Variants in CTNND2 observed in about 807,000 individuals in gnomAD.
CTNND2 encodes the protein catenin delta-2.
Under a neutral mutation model 144.4 loss-of-function variants are expected in CTNND2, and 22 were observed. The ratio of observed to expected loss-of-function variants is 0.15; its 90% CI spans 0.11 to 0.22. The LOEUF (loss-of-function observed/expected upper bound fraction) is 0.22. CTNND2 is among the 10% of genes least tolerant of loss of function. The pLI is 1.00. For synonymous variants in CTNND2, 751 were observed against 695.6 expected (o/e 1.08, Z -1.25); for missense variants, 1,353 against 1,618.8 (o/e 0.84, Z 2.82).
At chr5:11,222,576 C>A (rs1739908552) in intron 10 of CTNND2, among the ~76,000 whole-genome samples, 2 of 152,136 alleles carry the variant, frequency 1.3e-5, no homozygotes, top group Admixed American at 1.3e-4. Flanking sequence ...GAGGCAAAGG[C>A]TGGAGGATCA....
chr5:11,793,450 A>C (rs1244774763), intron 1 of CTNND2, among the ~76,000 whole-genome samples: 1 of 152,218 alleles, frequency 6.6e-6, no homozygotes, highest in African/African-American at 2.4e-5. Flanking sequence ...ATTTGGAAAT[A>C]GGATTGTTGC....
At chr5:11,456,138 A>T (rs1765713045) in intron 3 of CTNND2, among the ~76,000 whole-genome samples, 1 of 152,108 alleles carries the variant, frequency 6.6e-6, no homozygotes, top group African/African-American at 2.4e-5. Flanking sequence ...ATATCTACAT[A>T]TTACCATCAC....
chr5:11,622,806 A>G (rs990287236), intron 2 of CTNND2, among the ~76,000 whole-genome samples: 1 of 152,198 alleles, frequency 6.6e-6, no homozygotes, highest in Non-Finnish European at 1.5e-5. Flanking sequence ...AGGGAGAAAG[A>G]GCCCTAAAAG....
intron 1 of CTNND2, among the ~76,000 whole-genome samples, chr5:11,849,168 A>T (rs888328722): frequency 4.6e-5 from 7 of 152,254 alleles, no homozygotes; most frequent in Admixed American, 3.9e-4. Context: ...ACATCTTACA[A>T]CGCAGCAGGC....
At chr5:11,304,268 T>C (rs1397467192) in intron 9 of CTNND2, among the ~76,000 whole-genome samples, 1 of 152,090 alleles carries the variant, frequency 6.6e-6, no homozygotes, top group African/African-American at 2.4e-5. Flanking sequence ...ACCGTTTCAT[T>C]ATTTTTTATT....
chr5:11,593,476 G>GT (rs1270234953), intron 2 of CTNND2, among the ~76,000 whole-genome samples: 1 of 152,164 alleles, frequency 6.6e-6, no homozygotes, highest in Non-Finnish European at 1.5e-5. Context: ...GTTTGGCTGT[G>GT]CCCCACCCAA....
chr5:11,534,238 T>G (rs1446164754), intron 3 of CTNND2, among the ~76,000 whole-genome samples: 2 of 152,194 alleles, frequency 1.3e-5, no homozygotes, highest in African/African-American at 2.4e-5. Flanking sequence ...CACAGTTACA[T>G]CAGCTTGTTG....
chr5:11,519,529 A>C (rs1772525082), intron 3 of CTNND2, among the ~76,000 whole-genome samples: 1 of 149,494 alleles, frequency 6.7e-6, no homozygotes, highest in African/African-American at 2.5e-5. Flanking sequence ...TTTTCTGGTC[A>C]ACTGCTAAAT....
chr5:11,083,848 C>A, intron 15 of CTNND2: 1 of 1,090,700 alleles, frequency 9.2e-7, no homozygotes, highest in South Asian at 2.1e-5. Context: ...CCCCTTCCCC[C>A]ATGGGGGCAG....
At chr5:11,727,156 A>G (rs1037274134) in intron 2 of CTNND2, among the ~76,000 whole-genome samples, 15 of 152,338 alleles carry the variant, frequency 9.8e-5, no homozygotes, top group Admixed American at 3.9e-4. Context: ...AGGGTTAACA[A>G]GTAAACAAAT....
At chr5:11,187,449 T>A (rs1335607474) in intron 11 of CTNND2, among the ~76,000 whole-genome samples, 1 of 152,108 alleles carries the variant, frequency 6.6e-6, no homozygotes, top group Non-Finnish European at 1.5e-5. Context: ...ACACAAAAAT[T>A]AACTCAGGAT....
At chr5:11,182,004 TGTGGGTGTGTGTGGC>T (rs1735079798) in intron 11 of CTNND2, among the ~76,000 whole-genome samples, 1 of 101,934 alleles carries the variant, frequency 9.8e-6, no homozygotes, top group South Asian at 3.4e-4. Context: ...GTGTGTGGTG[TGTGGGTGTGTGTGGC>T]GTGTGTGATG....
intron 1 of CTNND2, among the ~76,000 whole-genome samples, chr5:11,782,432 A>G (rs1190229493): frequency 6.6e-6 from 1 of 152,138 alleles, no homozygotes; most frequent in Non-Finnish European, 1.5e-5. Context: ...TAAATTATCC[A>G]GATATCTGAA....
chr5:11,063,992 G>A (rs867200322), intron 16 of CTNND2, among the ~76,000 whole-genome samples: 6 of 152,104 alleles, frequency 3.9e-5, no homozygotes, highest in South Asian at 2.1e-4. Flanking sequence ...GAGATCCTCC[G>A]AAAGAACAGG....
intron 9 of CTNND2, among the ~76,000 whole-genome samples, chr5:11,316,760 C>T (rs187842870): frequency 9.9e-4 from 150 of 150,948 alleles, no homozygotes; most frequent in African/African-American, 3.2e-3. Context: ...TTTGTCCTTG[C>T]GATGTTTACT....
intron 15 of CTNND2, among the ~76,000 whole-genome samples, chr5:11,088,499 T>C (rs1343254663): frequency 6.6e-6 from 1 of 152,252 alleles, no homozygotes; most frequent in Non-Finnish European, 1.5e-5. Flanking sequence ...AAACTTTTCA[T>C]CTACATATTT....
chr5:11,721,244 A>G (rs1786660590), intron 2 of CTNND2, among the ~76,000 whole-genome samples: 1 of 152,254 alleles, frequency 6.6e-6, no homozygotes, highest in Admixed American at 6.5e-5. Context: ...TTCCATTTAC[A>G]TAAAACAATC....
intron 5 of CTNND2, among the ~76,000 whole-genome samples, chr5:11,406,001 T>G (rs1761070710): frequency 2.0e-5 from 3 of 151,964 alleles, no homozygotes. Context: ...ATACAAAAAT[T>G]AGCCAGGCGT....
intron 11 of CTNND2, among the ~76,000 whole-genome samples, chr5:11,198,752 C>T (rs1328511363): frequency 1.3e-5 from 2 of 152,158 alleles, no homozygotes; most frequent in Non-Finnish European, 2.9e-5. Flanking sequence ...GCCACCTGGG[C>T]CATTAGTACT....
Sources: gnomAD v4.1 joint callset for allele counts (sites outside exome capture counted in the v4.1 genomes callset) on GRCh38, gnomAD v4.1.1 for gene constraint, MANE v1.5 for transcripts, NCBI Gene and HGNC (gene_info 2026-07-23, HGNC 2026-07-21) for gene names.